GPC5: variants seen among roughly 807,000 people sequenced by gnomAD.
GPC5 encodes glypican 5, also known as glypican-5.
GPC5 carries 47 observed loss-of-function variants against 53.9 expected under a neutral mutation model. The observed-to-expected ratio is 0.87, with a 90% CI of 0.69 to 1.11. GPC5 has a LOEUF of 1.11. Among genes scored for constraint, GPC5 ranks in the 50% most tolerant of loss-of-function variants. The pLI, the probability that GPC5 is intolerant of heterozygous loss-of-function variation, is 0.00. For missense variants in GPC5, 748 were observed against 713.1 expected, an observed-to-expected ratio of 1.05 and a Z score of -0.56; for synonymous variants, 286 against 263.3, an observed-to-expected ratio of 1.09 and a Z score of -0.84.
chr13:92,673,288 C>CTTT (rs150927746), intron 7 of GPC5, among the ~76,000 whole-genome samples: 1 of 144,908 alleles, frequency 6.9e-6, no homozygotes. Flanking sequence ...TTTTCTTTTT[C>CTTT]TTTTTTTTTT....
intron 2 of GPC5, among the ~76,000 whole-genome samples, chr13:91,590,742 C>A (rs1329455042): frequency 6.6e-6 from 1 of 152,182 alleles, no homozygotes; most frequent in Non-Finnish European, 1.5e-5. Context: ...CTTACTACTT[C>A]TTTCCCTTTT....
chr13:91,456,604 A>G (rs9560801), intron 2 of GPC5, among the ~76,000 whole-genome samples: 88,141 of 151,766 alleles, frequency 0.58, 25,867 homozygotes, highest in Middle Eastern at 0.65. Context: ...TTAATGTGTG[A>G]AAATATATAT....
At chr13:92,446,464 TC>T (rs1159534301) in intron 7 of GPC5, 2 of 151,210 alleles carry the variant, frequency 1.3e-5, no homozygotes, top group Non-Finnish European at 2.9e-5. Flanking sequence ...AGGATACCAT[TC>T]TTTTTTTATG....
At chr13:92,187,035 C>G (rs113258575) in intron 7 of GPC5, among the ~76,000 whole-genome samples, 5,420 of 151,992 alleles carry the variant, frequency 0.036, 342 homozygotes, top group African/African-American at 0.12. Flanking sequence ...TCGCTTGAAC[C>G]CTGGAGGTGG....
chr13:91,752,285 A>G (rs905156774), intron 4 of GPC5, among the ~76,000 whole-genome samples: 1 of 152,148 alleles, frequency 6.6e-6, no homozygotes, highest in Non-Finnish European at 1.5e-5. Flanking sequence ...GGGTCTCACT[A>G]TGTTGTCCAG....
At chr13:91,821,183 A>C (rs1407588248) in intron 5 of GPC5, among the ~76,000 whole-genome samples, 3 of 152,148 alleles carry the variant, frequency 2.0e-5, no homozygotes, top group African/African-American at 7.2e-5. Context: ...TTTCTTGGAG[A>C]TATCTCACAC....
chr13:91,762,389 A>G (rs1182315499), intron 5 of GPC5, among the ~76,000 whole-genome samples: 1 of 151,598 alleles, frequency 6.6e-6, no homozygotes, highest in Non-Finnish European at 1.5e-5. Flanking sequence ...CTGACCTTAC[A>G]GCATTCAATT....
intron 7 of GPC5, among the ~76,000 whole-genome samples, chr13:92,650,543 T>A (rs1319231174): frequency 6.6e-6 from 1 of 152,174 alleles, no homozygotes; most frequent in Non-Finnish European, 1.5e-5. Flanking sequence ...AGTATTAGGT[T>A]CTATGATGGA....
At chr13:92,690,675 GT>G in intron 7 of GPC5, among the ~76,000 whole-genome samples, 1 of 142,120 alleles carries the variant, frequency 7.0e-6, no homozygotes. Flanking sequence ...TTTCTGTTCT[GT>G]TTTTTCCCCA....
At chr13:92,716,109 C>A (rs918361124) in intron 7 of GPC5, among the ~76,000 whole-genome samples, 1 of 152,074 alleles carries the variant, frequency 6.6e-6, no homozygotes, top group African/African-American at 2.4e-5. Flanking sequence ...GATCAGTGAA[C>A]GTGGCAAGAG....
chr13:91,626,384 G>A (rs1196676480), intron 2 of GPC5, among the ~76,000 whole-genome samples: 1 of 152,102 alleles, frequency 6.6e-6, no homozygotes, highest in Non-Finnish European at 1.5e-5. Context: ...GACATGATAT[G>A]GAATTTCTCT....
intron 6 of GPC5, among the ~76,000 whole-genome samples, chr13:91,966,614 CT>C (rs1174818905): frequency 4.6e-5 from 7 of 152,156 alleles, no homozygotes; most frequent in African/African-American, 1.7e-4. Context: ...TTTATTCTTA[CT>C]GCATCAATCA....
At chr13:91,607,911 A>AT (rs776475283) in intron 2 of GPC5, among the ~76,000 whole-genome samples, 2 of 152,176 alleles carry the variant, frequency 1.3e-5, no homozygotes, top group African/African-American at 2.4e-5. Flanking sequence ...TTGCTTTAGA[A>AT]TTTTTTCCCC....
At chr13:92,108,416 C>G (rs747169708) in intron 6 of GPC5, among the ~76,000 whole-genome samples, 2 of 152,072 alleles carry the variant, frequency 1.3e-5, no homozygotes, top group African/African-American at 4.8e-5. Context: ...TAATGCCCTG[C>G]GAAATCATTA....
At chr13:91,865,189 G>T (rs776761735) in intron 5 of GPC5, among the ~76,000 whole-genome samples, 1 of 152,088 alleles carries the variant, frequency 6.6e-6, no homozygotes, top group Non-Finnish European at 1.5e-5. Context: ...GATTAGAGGT[G>T]TGAGCCACCG....
At chr13:91,570,214 T>C (rs2031720832) in intron 2 of GPC5, among the ~76,000 whole-genome samples, 1 of 152,150 alleles carries the variant, frequency 6.6e-6, no homozygotes, top group Non-Finnish European at 1.5e-5. Flanking sequence ...TTTTTTCTTA[T>C]TGAGATTATG....
chr13:92,632,463 C>CATATATATATATATATATATAT (rs34336057), intron 7 of GPC5, among the ~76,000 whole-genome samples: 12 of 120,108 alleles, frequency 1.0e-4, no homozygotes, highest in East Asian at 2.6e-4. Flanking sequence ...AAATATTCCA[C>CATATATATATATATATATATAT]ATATATATAT....
intron 7 of GPC5, among the ~76,000 whole-genome samples, chr13:92,436,293 T>TGTGTAAACAAATACA (rs1455864582): frequency 0.021 from 3,146 of 152,294 alleles, 113 homozygotes; most frequent in African/African-American, 0.071. Context: ...TGAATGTATG[T>TGTGTAAACAAATACA]TTTATGTGTG....
rs114586057 is a variant in GPC5, at chr13:92,772,649, G to A, written c.1562-93633G>A. 9.9e-4 allele frequency among the ~76,000 whole-genome samples: 150 copies of A among 152,104 alleles called. 1 individual carries two copies. Among genetic ancestry groups the A allele is most frequent in the African/African-American group, 3.3e-3 (138 of 41,482 alleles). On this transcript the variant is annotated intron_variant, in intron 7 of 7. Transcript: ENST00000377067. Reference sequence around the variant, plus strand: ...CTGTCATAGAGTAGTTTGCTTATTCGTTGATTCTGACTTTCTCCATGGAAA... The same window carrying A: ...CTGTCATAGAGTAGTTTGCTTATTCATTGATTCTGACTTTCTCCATGGAAA...
Sources: allele counts gnomAD v4.1 joint callset (sites outside exome capture counted in the v4.1 genomes callset), GRCh38; gene constraint gnomAD v4.1.1; transcripts MANE v1.5; gene names NCBI Gene and HGNC (gene_info 2026-07-23, HGNC 2026-07-21).